OLFM2: variants seen among roughly 807,000 people sequenced by gnomAD.
The protein encoded by OLFM2 is olfactomedin 2, also known as noelin-2.
OLFM2 carries 20 observed loss-of-function variants against 43.9 expected under a neutral mutation model. That is an observed-to-expected ratio of 0.46 (90% CI 0.32 to 0.66). The LOEUF is 0.66. Among genes scored for constraint, OLFM2 ranks in the 30% least tolerant of loss-of-function variants. The probability of loss-of-function intolerance (pLI) is 0.04; values close to 1 mark genes in which losing one functional copy is unlikely to be tolerated. For synonymous variants in OLFM2, 268 were observed against 278.6 expected (o/e 0.96, Z 0.38); for missense variants, 416 against 643.6 (o/e 0.65, Z 3.83).
chr19:9,868,577 G>T (rs768596043), intron 1 of OLFM2, among the ~76,000 whole-genome samples: 1 of 152,108 alleles, frequency 6.6e-6, no homozygotes, highest in African/African-American at 2.4e-5. Flanking sequence ...GATTAATGGA[G>T]ATTTTAATCA....
intron 1 of OLFM2, among the ~76,000 whole-genome samples, chr19:9,917,393 G>GC (rs34160227): frequency 0.63 from 95,226 of 151,858 alleles, 30,194 homozygotes; most frequent in African/African-American, 0.71. Flanking sequence ...GCCATGCCCT[G>GC]CCCTTCCCCC....
At chr19:9,888,673 C>T (rs188487412) in intron 1 of OLFM2, among the ~76,000 whole-genome samples, 249 of 152,326 alleles carry the variant, frequency 1.6e-3, no homozygotes, top group Non-Finnish European at 2.8e-3. Flanking sequence ...CCCTCCAGAA[C>T]GTCAGGCAGG....
At position 9,857,567 on chromosome 19, in the gene OLFM2, C is replaced by T; in HGVS notation, c.361-85G>A. 2 of 1,565,124 alleles carry T rather than the reference C, an allele frequency of 1.3e-6. No homozygotes were observed. The highest frequency in any genetic ancestry group is 1.7e-4 in the Middle Eastern group (1 of 5,968). On this transcript the variant is annotated intron_variant, in intron 3 of 5. Transcript: ENST00000264833. The surrounding 1 kb of genome is among the most constrained non-coding windows in gnomAD (Gnocchi z 5.7). ...CTCCAACCTCTGACTCATAACTTCACCCTTTGTCTTTGATGCACACCTGGC... is the reference window on the plus strand; with the variant it reads ...CTCCAACCTCTGACTCATAACTTCATCCTTTGTCTTTGATGCACACCTGGC...
intron 1 of OLFM2, among the ~76,000 whole-genome samples, chr19:9,864,524 C>A (rs1599467850): frequency 6.6e-6 from 1 of 152,286 alleles, no homozygotes; most frequent in East Asian, 1.9e-4. Flanking sequence ...TGGTCTCGAA[C>A]TCCTGGCCTC....
chr19:9,922,366 A>G (rs936261761), intron 1 of OLFM2, among the ~76,000 whole-genome samples: 1 of 152,268 alleles, frequency 6.6e-6, no homozygotes, highest in South Asian at 2.1e-4. Flanking sequence ...ACATTTCACA[A>G]AAGTGGATAT....
rs1474424972 is a variant in OLFM2 at position 9,925,944 on chromosome 19, G to T, written c.63+10360C>A. Among the ~76,000 whole-genome samples the T allele has an allele frequency of 2.0e-5, 3 of 151,510 alleles. No homozygotes were observed. In the South Asian group the frequency reaches 6.3e-4, roughly 32 times the overall value. On this transcript the variant is annotated intron_variant, in intron 1 of 5. Coordinates refer to ENST00000264833, the MANE Select transcript of OLFM2 (RefSeq NM_058164.4). ...CAGGCCAGGAGTTGAAGACCAGCTT[G>T]AGCAAGATGACAAGACCCCATCTCT...
intron 1 of OLFM2, among the ~76,000 whole-genome samples, chr19:9,872,976 A>C (rs144894484): frequency 6.6e-6 from 1 of 152,308 alleles, no homozygotes; most frequent in Non-Finnish European, 1.5e-5. Context: ...TAGTTGCTTT[A>C]CAAATATTAC....
intron 1 of OLFM2, among the ~76,000 whole-genome samples, chr19:9,877,145 G>A (rs1450535897): frequency 2.0e-5 from 3 of 150,826 alleles, no homozygotes; most frequent in African/African-American, 4.9e-5. Flanking sequence ...GATGAGAATC[G>A]CTTGAACCAG....
intron 1 of OLFM2, among the ~76,000 whole-genome samples, chr19:9,923,931 C>T (rs1030728024): frequency 1.3e-5 from 2 of 150,682 alleles, no homozygotes; most frequent in Non-Finnish European, 2.9e-5. Flanking sequence ...GAAACCCCAT[C>T]TCTACTAAAA....
intron 1 of OLFM2, among the ~76,000 whole-genome samples, chr19:9,921,050 A>T (rs1467401318): frequency 6.6e-6 from 1 of 152,212 alleles, no homozygotes; most frequent in Non-Finnish European, 1.5e-5. Context: ...GTAACAACTC[A>T]TTTAACCCTC....
intron 5 of OLFM2, among the ~76,000 whole-genome samples, chr19:9,855,072 G>A (rs748212938): frequency 5.9e-5 from 9 of 152,200 alleles, no homozygotes; most frequent in Middle Eastern, 3.4e-3. Context: ...TTCAAGTGAC[G>A]TCTTATCACT....
chr19:9,912,227 G>T (rs903899304), intron 1 of OLFM2, among the ~76,000 whole-genome samples: 1 of 152,158 alleles, frequency 6.6e-6, no homozygotes, highest in Non-Finnish European at 1.5e-5. Flanking sequence ...CCAAGTCTAA[G>T]AATCTAGCCT....
intron 1 of OLFM2, among the ~76,000 whole-genome samples, chr19:9,919,176 C>CTCTTTTTTT (rs1555728853): frequency 0.015 from 2,253 of 149,182 alleles, 61 homozygotes; most frequent in African/African-American, 0.054. Flanking sequence ...ATTTCTCTCT[C>CTCTTTTTTT]TTTTTTTTGA....
intron 1 of OLFM2, among the ~76,000 whole-genome samples, chr19:9,861,638 G>T (rs2046366186): frequency 6.6e-6 from 1 of 152,214 alleles, no homozygotes; most frequent in South Asian, 2.1e-4. Flanking sequence ...GCTGGGAAAA[G>T]GATGCTCTGT....
At chr19:9,874,556 C>T (rs1032415236) in intron 1 of OLFM2, among the ~76,000 whole-genome samples, 9 of 152,168 alleles carry the variant, frequency 5.9e-5, no homozygotes, top group Admixed American at 5.2e-4. Context: ...TCTCGGCTCA[C>T]TGCAACCTCT....
intron 1 of OLFM2, among the ~76,000 whole-genome samples, chr19:9,930,949 A>G (rs552418218): frequency 6.6e-6 from 1 of 152,076 alleles, no homozygotes; most frequent in South Asian, 2.1e-4. Context: ...CCCCCATCCC[A>G]CATACGCACG....
chr19:9,878,230 G>T (rs1176412330), intron 1 of OLFM2, among the ~76,000 whole-genome samples: 2 of 152,088 alleles, frequency 1.3e-5, no homozygotes, highest in Non-Finnish European at 2.9e-5. Flanking sequence ...TGATATTCAA[G>T]GGAGTGTGAC....
Position 9,853,931 on chromosome 19 carries a change from TAAAAA to T in OLFM2, c.*250_*254del. 1.7e-6 allele frequency: 1 copy of T among 572,066 alleles called. No individual in the cohort carries two copies. The highest frequency in any genetic ancestry group is 1.9e-5 in the African/African-American group (1 of 52,466). The allele number at this position is 572,066 out of a possible 1,614,324, so 35.4% of individuals were successfully genotyped here. A position where few individuals can be genotyped will look rare whatever the true frequency, so the allele number is the denominator to read the frequency against. ...GGAAAGAACTGGAGAACCAGAGCCA[TAAAAA>T]GAAAAAGACATCCATAAAAAGGCAG... On this transcript the variant is annotated 3_prime_UTR_variant, in exon 6 of 6. Coordinates refer to ENST00000264833, the MANE Select transcript of OLFM2 (RefSeq NM_058164.4).
chr19:9,886,936 G>C (rs113437556), intron 1 of OLFM2, among the ~76,000 whole-genome samples: 1 of 151,822 alleles, frequency 6.6e-6, no homozygotes, highest in Non-Finnish European at 1.5e-5. Context: ...TGCCTGCCTC[G>C]GCCTCCCAGT....
Sources: gnomAD v4.1 joint callset for allele counts (sites outside exome capture counted in the v4.1 genomes callset) on GRCh38, gnomAD v4.1.1 for gene constraint, Gnocchi (gnomAD v3.1) non-coding constraint, MANE v1.5 for transcripts, NCBI Gene and HGNC (gene_info 2026-07-23, HGNC 2026-07-21) for gene names.